METTL24: variants seen among roughly 807,000 people sequenced by gnomAD.
METTL24 encodes methyltransferase like 24.
In METTL24, 29 loss-of-function variants were observed where a neutral mutation model predicts 32.7. The observed-to-expected ratio is 0.89, with a 90% CI of 0.66 to 1.21. METTL24 has a LOEUF of 1.21. Among genes scored for constraint, METTL24 ranks in the 50% most tolerant of loss-of-function variants. METTL24 has a pLI of 0.00. For synonymous variants in METTL24, 163 were observed against 179.5 expected (o/e 0.91, Z 0.73); for missense variants, 439 against 468.1 (o/e 0.94, Z 0.57).
intron 1 of METTL24, among the ~76,000 whole-genome samples, chr6:110,346,445 T>A (rs1772474867): frequency 1.3e-5 from 2 of 151,892 alleles, no homozygotes; most frequent in South Asian, 4.2e-4. Flanking sequence ...AGGGAGCTAC[T>A]TCAGGTGATA....
intron 1 of METTL24, among the ~76,000 whole-genome samples, chr6:110,331,264 C>T (rs1330500100): frequency 6.6e-6 from 1 of 151,910 alleles, no homozygotes; most frequent in Non-Finnish European, 1.5e-5. Context: ...GGGGAAAGAG[C>T]CTTGGGGACC....
intron 4 of METTL24, among the ~76,000 whole-genome samples, chr6:110,258,400 T>C (rs1778424056): frequency 6.6e-6 from 1 of 152,104 alleles, no homozygotes; most frequent in Non-Finnish European, 1.5e-5. Context: ...GCAAAAGAGG[T>C]ATATATTCCT....
chr6:110,261,493 T>G (rs900745452), intron 4 of METTL24, among the ~76,000 whole-genome samples: 1 of 152,144 alleles, frequency 6.6e-6, no homozygotes, highest in African/African-American at 2.4e-5. Flanking sequence ...AGAAAGACAC[T>G]TAGACTCCCA....
intron 4 of METTL24, among the ~76,000 whole-genome samples, chr6:110,283,478 G>A (rs1771171951): frequency 6.6e-6 from 1 of 152,162 alleles, no homozygotes. Flanking sequence ...ATAGAAAGGA[G>A]GGCAGCTGAA....
chr6:110,258,736 T>C (rs1778431293), intron 4 of METTL24, among the ~76,000 whole-genome samples: 2 of 151,762 alleles, frequency 1.3e-5, no homozygotes, highest in Admixed American at 6.6e-5. Context: ...TAATTAGTGA[T>C]AGGGATTCCA....
chr6:110,270,103 C>G (rs1207543992), intron 4 of METTL24, among the ~76,000 whole-genome samples: 1 of 152,144 alleles, frequency 6.6e-6, no homozygotes, highest in Non-Finnish European at 1.5e-5. Flanking sequence ...TCGAAGAGAT[C>G]AATACATATA....
At chr6:110,296,804 T>C (rs372238987) in intron 4 of METTL24, among the ~76,000 whole-genome samples, 2 of 152,226 alleles carry the variant, frequency 1.3e-5, no homozygotes, top group African/African-American at 4.8e-5. Context: ...AGCGTGTTTT[T>C]TACTATTTGC....
intron 4 of METTL24, among the ~76,000 whole-genome samples, chr6:110,258,709 C>G (rs1297389819): frequency 6.6e-6 from 1 of 151,924 alleles, no homozygotes; most frequent in Non-Finnish European, 1.5e-5. Flanking sequence ...ATAATATACT[C>G]AAGATCACAA....
At chr6:110,342,987 T>A (rs1772390003) in intron 1 of METTL24, among the ~76,000 whole-genome samples, 1 of 152,242 alleles carries the variant, frequency 6.6e-6, no homozygotes, top group Admixed American at 6.5e-5. Flanking sequence ...AACTTTTGGC[T>A]ACTATGGATA....
At chr6:110,340,226 G>A (rs1772325623) in intron 1 of METTL24, among the ~76,000 whole-genome samples, 1 of 151,898 alleles carries the variant, frequency 6.6e-6, no homozygotes, top group Non-Finnish European at 1.5e-5. Flanking sequence ...GGTTGCTGAG[G>A]GGCAGGGGCA....
rs1178439491 is a variant in METTL24, at chr6:110,326,381, T to A, written c.319-3509A>T. ...ATCATTTTCCCTGCATCTCTAGGTC[T>A]TCATTTCTGAAGGCTTCCATGTCAT... On this transcript the variant is annotated intron_variant, in intron 1 of 4. Transcript: ENST00000338882. Among the ~76,000 whole-genome samples, 3 of 152,254 alleles carry A rather than the reference T, an allele frequency of 2.0e-5. No homozygotes were observed. In the East Asian group the frequency reaches 5.8e-4, roughly 29 times the overall value.
intron 4 of METTL24, among the ~76,000 whole-genome samples, chr6:110,256,800 T>C (rs572486302): frequency 6.6e-6 from 1 of 152,374 alleles, no homozygotes; most frequent in Admixed American, 6.5e-5. Context: ...CACACGACAC[T>C]TAGCCAAATG....
At chr6:110,328,709 G>T (rs1175967842) in intron 1 of METTL24, among the ~76,000 whole-genome samples, 1 of 152,056 alleles carries the variant, frequency 6.6e-6, no homozygotes, top group African/African-American at 2.4e-5. Flanking sequence ...ATACTCCTTT[G>T]CCTACCAGCT....
chr6:110,265,149 GAAAGAAAGAAAGAAAGAAAGAAAGAAAGA>G (rs1770829538), intron 4 of METTL24, among the ~76,000 whole-genome samples: 183 of 100,730 alleles, frequency 1.8e-3, no homozygotes, highest in African/African-American at 6.7e-3. Context: ...AAGAAAGAAA[GAAAGAAAGAAAGAAAGAAAGAAAGAAAGA>G]AAGAAAGAAA....
At chr6:110,346,657 A>C (rs1173060599) in intron 1 of METTL24, among the ~76,000 whole-genome samples, 2 of 152,290 alleles carry the variant, frequency 1.3e-5, no homozygotes, top group Non-Finnish European at 2.9e-5. Flanking sequence ...GGCATGTGCC[A>C]TCACGCCCAG....
rs1210152989 is a variant in METTL24, at chr6:110,358,135, C to A, written c.138G>T (p.Pro46=). The change falls in exon 1 of 5, where the codon CCG becomes CCT. Residue 46 remains proline (P), a synonymous_variant. Coordinates refer to ENST00000338882, the MANE Select transcript of METTL24 (RefSeq NM_001123364.3). ...CAGGTGGCCGCCAGGCCGGGCCCGG[C>A]GGGGCGCTGCGGGTGGGGGACCCGG... ...AGPGSPTRSA[P]PGPAWRPPGP... The A allele has an allele frequency of 1.8e-6, 2 of 1,126,076 alleles. No individual in the cohort carries two copies. Among genetic ancestry groups the A allele is most frequent in the African/African-American group, 3.3e-5 (2 of 60,340 alleles). The allele number at this position is 1,126,076 out of a possible 1,614,324, so 69.8% of individuals were successfully genotyped here.
intron 4 of METTL24, among the ~76,000 whole-genome samples, chr6:110,276,388 T>G (rs972236129): frequency 6.6e-6 from 1 of 152,160 alleles, no homozygotes; most frequent in African/African-American, 2.4e-5. Flanking sequence ...GAGTTTGAGG[T>G]TGCAGTGAGC....
chr6:110,272,475 G>A (rs1039033808), intron 4 of METTL24, among the ~76,000 whole-genome samples: 3 of 152,146 alleles, frequency 2.0e-5, no homozygotes, highest in African/African-American at 7.2e-5. Flanking sequence ...TTTCCTCTGG[G>A]TAGATACCCA....
chr6:110,274,802 C>CT (rs1196371607), intron 4 of METTL24, among the ~76,000 whole-genome samples: 4,051 of 90,072 alleles, frequency 0.045, 212 homozygotes, highest in African/African-American at 0.11. Flanking sequence ...TTCGTTCTTT[C>CT]TTTTTTTTTT....
Sources: allele counts gnomAD v4.1 joint callset (sites outside exome capture counted in the v4.1 genomes callset), GRCh38; gene constraint gnomAD v4.1.1; transcripts MANE v1.5; gene names NCBI Gene and HGNC (gene_info 2026-07-23, HGNC 2026-07-21).